TLE6: variants seen among roughly 807,000 people sequenced by gnomAD.
The protein encoded by TLE6 is TLE family member 6, subcortical maternal complex member.
A neutral mutation model predicts 77.1 loss-of-function variants in TLE6; 72 were observed. The ratio of observed to expected loss-of-function variants is 0.93; its 90% CI spans 0.77 to 1.14. The LOEUF (loss-of-function observed/expected upper bound fraction) is 1.14. TLE6 is among the 50% of genes most tolerant of loss of function. The pLI is 0.00. For missense variants in TLE6, 843 were observed against 747.6 expected (o/e 1.13, Z -1.49); for synonymous variants, 366 against 287.3 (o/e 1.27, Z -2.77).
intron 13 of TLE6, among the ~76,000 whole-genome samples, chr19:2,991,376 GTA>G (rs369766984): frequency 0.058 from 6,108 of 105,336 alleles, 187 homozygotes; most frequent in African/African-American, 0.078. Context: ...AAAAAAATAC[GTA>G]TATATATATA....
chr19:2,993,371 T>C, intron 14 of TLE6, 61 bp from the exon 15 acceptor site: 2 of 1,531,784 alleles, frequency 1.3e-6, no homozygotes, highest in East Asian at 2.4e-5. Context: ...GGCTCCTGCC[T>C]GCTTCCTGGG....
At chr19:2,978,124 T>TAAC in intron 1 of TLE6, 74 bp from the exon 2 acceptor site, 2 of 1,143,490 alleles carry the variant, frequency 1.7e-6, no homozygotes, top group Middle Eastern at 2.0e-4. Context: ...GCGGGTGGGG[T>TAAC]AACGGGTGCC....
At position 2,994,965 on chromosome 19, in the gene TLE6, C is replaced by G. The variant is rs748307848; in HGVS notation, c.1680C>G (p.Gly560=). The stretch of plus-strand genomic sequence containing the variant: ...CCAACAACCGCCTCGTTGTCACAGG[C>G]TCCGGGGAGCACGCCTCCGTGTACC... ...VSSNNRLVVT[G]SGEHASVYQI... is the part of the protein sequence containing the mutation. The change falls in exon 17 of 17, where the codon GGC becomes GGG. Residue 560 remains glycine, a synonymous_variant. Transcript: ENST00000246112. 7 of 1,609,678 alleles carry G rather than the reference C, an allele frequency of 4.3e-6. No homozygotes were observed. The highest frequency in any genetic ancestry group is 5.9e-6 in the Non-Finnish European group (7 of 1,178,448).
In TLE6 at chr19:2,993,563, C is replaced by CT; in HGVS notation, c.1518_1519insT (p.Val507CysfsTer35). 6.4e-7 allele frequency: 1 copy of CT among 1,573,604 alleles called. No homozygotes were observed. The highest frequency in any genetic ancestry group is 8.7e-7 in the Non-Finnish European group (1 of 1,152,970). On this transcript the variant is annotated frameshift_variant, in exon 15 of 17. Transcript: ENST00000246112. LOFTEE classifies it high-confidence loss of function. ...GGCAAAAAGACAGCGTCATCCTGAG[C>CT]GTCAAGTTCTCCCCCTTTGGTAAGC...
At chr19:2,993,009 T>G (rs1599172996) in intron 14 of TLE6, among the ~76,000 whole-genome samples, 1 of 111,452 alleles carries the variant, frequency 9.0e-6, no homozygotes, top group Admixed American at 1.2e-4. Flanking sequence ...ACCAACATGG[T>G]GAAACCCCGT....
intron 1 of TLE6, among the ~76,000 whole-genome samples, 196 bp downstream of exon 1, chr19:2,977,806 C>G (rs1240421973): frequency 6.6e-6 from 1 of 152,114 alleles, no homozygotes; most frequent in African/African-American, 2.4e-5. Context: ...TGGCTAACTC[C>G]TAGTCATCCT....
rs1487334518 is a variant in TLE6, at chr19:2,992,793, A to AACCG, written c.1387-639_1387-638insACCG. Among the ~76,000 whole-genome samples, 2 of 19,760 alleles carry AACCG rather than the reference A, an allele frequency of 1.0e-4. 1 individual carries two copies. Among genetic ancestry groups the AACCG allele is most frequent in the Non-Finnish European group, 1.6e-4 (2 of 12,376 alleles). 13.0% of individuals were successfully genotyped at this position (19,760 alleles called of 152,430 possible). ...AGACCCTGTCTCAAAAAAAAAAAAAAGGGGGGGAGGCGGGTGGGGGGGGGG... is the reference window on the plus strand; with the variant it reads ...AGACCCTGTCTCAAAAAAAAAAAAAAACCGGGGGGGGAGGCGGGTGGGGGGGGGG... On this transcript the variant is annotated intron_variant, in intron 14 of 16. Coordinates refer to ENST00000246112, the MANE Select transcript of TLE6 (RefSeq NM_001143986.2).
intron 8 of TLE6, 58 bp downstream of exon 8, chr19:2,987,430 C>G: frequency 6.2e-7 from 1 of 1,609,954 alleles, no homozygotes; most frequent in Non-Finnish European, 8.5e-7. Flanking sequence ...GGCGGTTGGG[C>G]TCCCCCAGGT....
rs369721091 is a variant in TLE6, at chr19:2,993,588, C to T, written c.1537+6C>T. 3.3e-5 allele frequency: 51 copies of T among 1,545,794 alleles called. No homozygotes were observed. Among genetic ancestry groups the T allele is most frequent in the South Asian group, 1.8e-4 (15 of 82,176 alleles). ...CGTCAAGTTCTCCCCCTTTGGTAAG[C>T]GGCTGGCGGAAGATGAGGGGACTCC... On this transcript the variant is annotated splice_donor_region_variant and intron_variant, in intron 15 of 16. Coordinates refer to ENST00000246112, the MANE Select transcript of TLE6 (RefSeq NM_001143986.2).
At chr19:2,984,835 C>T (rs1161012446) in intron 5 of TLE6, among the ~76,000 whole-genome samples, 5 of 152,100 alleles carry the variant, frequency 3.3e-5, no homozygotes, top group Non-Finnish European at 7.3e-5. Flanking sequence ...TGTATTATTC[C>T]AATTCTACTT....
intron 5 of TLE6, among the ~76,000 whole-genome samples, chr19:2,985,948 G>C (rs764339439): frequency 1.4e-4 from 21 of 150,516 alleles, no homozygotes; most frequent in Non-Finnish European, 2.2e-4. Context: ...AGTGGCACAC[G>C]CCTGTAATCC....
At chr19:2,992,799 G>GGGGT (rs1568219667) in intron 14 of TLE6, among the ~76,000 whole-genome samples, 2 of 59,950 alleles carry the variant, frequency 3.3e-5, no homozygotes, top group Non-Finnish European at 7.3e-5. Context: ...AAAAAGGGGG[G>GGGGT]GAGGCGGGTG....
At chr19:2,985,201 G>C (rs2088881646) in intron 5 of TLE6, among the ~76,000 whole-genome samples, 1 of 151,986 alleles carries the variant, frequency 6.6e-6, no homozygotes, top group African/African-American at 2.4e-5. Context: ...AGTGAGCAGA[G>C]GTGGTGCCAT....
rs758652623 is a variant in TLE6, at chr19:2,987,081, C to T, written c.384C>T (p.Ser128=). The T allele has an allele frequency of 1.7e-5, 27 of 1,614,182 alleles. No individual in the cohort carries two copies. The South Asian group carries it at 2.5e-4, about 15-fold the overall frequency. ...SSFEDIMATR[S]SDWLRRPLGE... ...TTGAGGACATCATGGCCACCAGGTC[C>T]TCCGACTGGCTCCGGCGGCCTTTGG... is the stretch of plus-strand genomic sequence containing the variant. The change falls in exon 7 of 17, where the codon TCC becomes TCT. Residue 128 remains serine, a synonymous_variant. Transcript: ENST00000246112.
At chr19:2,980,816 A>AGAGGCAGGAAGATCGCTT (rs1157730527) in intron 3 of TLE6, among the ~76,000 whole-genome samples, 9 of 149,280 alleles carry the variant, frequency 6.0e-5, no homozygotes, top group African/African-American at 2.5e-5. Flanking sequence ...TTTGGGAGGC[A>AGAGGCAGGAAGATCGCTT]GAGGCAGGAA....
chr19:2,981,043 T>C (rs2145017755), intron 3 of TLE6, among the ~76,000 whole-genome samples: 1 of 149,156 alleles, frequency 6.7e-6, no homozygotes, highest in Middle Eastern at 3.4e-3. Context: ...AGGGTGAGAT[T>C]CTGTTTAAAA....
chr19:2,987,446 C>A, intron 8 of TLE6, 74 bp downstream of exon 8: 4 of 1,583,770 alleles, frequency 2.5e-6, no homozygotes, highest in Non-Finnish European at 3.5e-6. Flanking sequence ...CAGGTCAGGG[C>A]ACTGGGGTTC....
At chr19:2,979,038 G>C (rs918035575) in intron 2 of TLE6, among the ~76,000 whole-genome samples, 1 of 151,648 alleles carries the variant, frequency 6.6e-6, no homozygotes, top group African/African-American at 2.4e-5. Context: ...TGCAACCTCT[G>C]CCTCCCGGGT....
In TLE6 at chr19:2,989,638, C is replaced by T. The variant is rs766494422; in HGVS notation, c.1097C>T (p.Ala366Val). 1.9e-5 allele frequency: 30 copies of T among 1,614,052 alleles called. No homozygotes were observed. The highest frequency in any genetic ancestry group is 5.0e-5 in the Admixed American group (3 of 60,002). ...AGCGTGAGCGTGTGGGACCTGGCGGCGCCCTCCCTGCATGTGAAGGAGCAG... is the reference window on the plus strand; with the variant it reads ...AGCGTGAGCGTGTGGGACCTGGCGGTGCCCTCCCTGCATGTGAAGGAGCAG... ...LASVSVWDLAAPSLHVKEQLP... is the reference protein window; with the variant it reads ...LASVSVWDLAVPSLHVKEQLP... The change falls in exon 13 of 17, where the codon GCG becomes GTG. Residue 366 changes from alanine (A) to valine (V), a missense_variant. Transcript: ENST00000246112.
Sources: gnomAD v4.1 joint callset for allele counts (sites outside exome capture counted in the v4.1 genomes callset) on GRCh38, gnomAD v4.1.1 for gene constraint, MANE v1.5 for transcripts, NCBI Gene and HGNC (gene_info 2026-07-23, HGNC 2026-07-21) for gene names.